The following ITGB1 variants were observed in gnomAD, a reference collection of about 807,000 sequenced individuals.
ITGB1 encodes integrin subunit beta 1.
Under a neutral mutation model 86.5 loss-of-function variants are expected in ITGB1, and 24 were observed. The ratio of observed to expected loss-of-function variants is 0.28; its 90% confidence interval spans 0.20 to 0.39. The LOEUF is 0.39. ITGB1 is among the 10% of genes least tolerant of loss of function. The pLI, the probability that ITGB1 is intolerant of heterozygous loss-of-function variation, is 1.00. For synonymous variants in ITGB1, 323 were observed against 316.8 expected (o/e 1.02, Z -0.21); for missense variants, 556 against 946.9 (o/e 0.59, Z 5.42).
In ITGB1 at chr10:32,904,888, T is replaced by C. The variant is rs528738340; in HGVS notation, c.2332-3253A>G. Among the ~76,000 whole-genome samples, 5 of 152,300 alleles carry C rather than the reference T, an allele frequency of 3.3e-5. No homozygotes were observed. In the East Asian group the frequency reaches 9.6e-4, roughly 29 times the overall value. Reference sequence around the variant, plus strand: ...ATAAACATTAAGTTTAAATAACATTTACTGATAATTTCCTTCAAAATACAA... The same window carrying C: ...ATAAACATTAAGTTTAAATAACATTCACTGATAATTTCCTTCAAAATACAA... On this transcript the variant is annotated intron_variant, in intron 15 of 15. Transcript: ENST00000302278.
chr10:32,925,196 C>T (rs1055446227), intron 6 of ITGB1, among the ~76,000 whole-genome samples: 2 of 152,126 alleles, frequency 1.3e-5, no homozygotes, highest in Admixed American at 6.5e-5. Context: ...TCAGCCTCAG[C>T]CACATCATTA....
chr10:32,946,880 G>A (rs2095032572), intron 1 of ITGB1, among the ~76,000 whole-genome samples: 1 of 146,314 alleles, frequency 6.8e-6, no homozygotes, highest in Non-Finnish European at 1.5e-5. Flanking sequence ...AGTTTCACTT[G>A]ATCACCCAGG....
intron 11 of ITGB1, among the ~76,000 whole-genome samples, chr10:32,915,351 C>G (rs1460055413): frequency 2.6e-5 from 4 of 152,228 alleles, no homozygotes; most frequent in Non-Finnish European, 4.4e-5. Context: ...CATAAAAAGC[C>G]CTTCAAAAAA....
At chr10:32,907,449 A>T (rs2094899949) in intron 15 of ITGB1, among the ~76,000 whole-genome samples, 2 of 152,188 alleles carry the variant, frequency 1.3e-5, no homozygotes, top group South Asian at 4.1e-4. Context: ...TGCTAACATA[A>T]CCTTTCGGTC....
At chr10:32,916,197 CA>C (rs1157732411) in intron 11 of ITGB1, among the ~76,000 whole-genome samples, 2 of 152,168 alleles carry the variant, frequency 1.3e-5, no homozygotes, top group Non-Finnish European at 2.9e-5. Context: ...AACCCACAGC[CA>C]ATATCATACT....
intron 1 of ITGB1, chr10:32,944,801 A>G (rs1357924594): frequency 1.1e-5 from 9 of 833,260 alleles, no homozygotes; most frequent in Non-Finnish European, 1.7e-5. Flanking sequence ...AGTCTACAAC[A>G]TTGAATTCAA....
intron 15 of ITGB1, chr10:32,907,150 TAAAAGA>T (rs1222265437): frequency 3.3e-6 from 4 of 1,197,276 alleles, no homozygotes; most frequent in Non-Finnish European, 4.6e-6. Context: ...CTTGCTAAAG[TAAAAGA>T]AATAGTTTCT....
chr10:32,921,027 C>A (rs966554665), intron 9 of ITGB1, among the ~76,000 whole-genome samples: 20 of 150,776 alleles, frequency 1.3e-4, no homozygotes, highest in Non-Finnish European at 2.2e-4. Flanking sequence ...CAAAAAAAAA[C>A]GAAATAAATG....
At chr10:32,932,695 T>A (rs2094987711) in intron 2 of ITGB1, 95 bp from the exon 3 acceptor site, 1 of 717,074 alleles carries the variant, frequency 1.4e-6, no homozygotes, top group African/African-American at 1.8e-5. Flanking sequence ...AATACATATG[T>A]TAAATATTAA....
At chr10:32,914,484 T>C (rs1468366126) in intron 11 of ITGB1, among the ~76,000 whole-genome samples, 3 of 150,902 alleles carry the variant, frequency 2.0e-5, no homozygotes, top group African/African-American at 7.3e-5. Flanking sequence ...ACCAAGCAAA[T>C]GGAAAACAAA....
intron 1 of ITGB1, among the ~76,000 whole-genome samples, chr10:32,956,379 G>T (rs2095052089): frequency 6.7e-6 from 1 of 149,626 alleles, no homozygotes. Context: ...TGTTATTTTT[G>T]TAGCATTAAA....
chr10:32,952,573 C>T (rs1036994981), intron 1 of ITGB1, among the ~76,000 whole-genome samples: 3 of 152,098 alleles, frequency 2.0e-5, no homozygotes, highest in African/African-American at 4.8e-5. Flanking sequence ...TTGCTAATTT[C>T]ATAGATTACG....
intron 5 of ITGB1, among the ~76,000 whole-genome samples, chr10:32,926,574 A>C (rs539030734): frequency 4.7e-4 from 71 of 152,302 alleles, no homozygotes; most frequent in Non-Finnish European, 8.4e-4. Context: ...CCATGTGAGA[A>C]GCCTGCTCCC....
At chr10:32,922,921 C>T (rs1270589793) in intron 7 of ITGB1, among the ~76,000 whole-genome samples, 186 bp from the exon 8 acceptor site, 1 of 152,060 alleles carries the variant, frequency 6.6e-6, no homozygotes, top group Non-Finnish European at 1.5e-5. Context: ...AACTAGATTA[C>T]AAGACTGCTT....
At chr10:32,952,859 CA>C (rs1488668681) in intron 1 of ITGB1, among the ~76,000 whole-genome samples, 1 of 152,156 alleles carries the variant, frequency 6.6e-6, no homozygotes, top group African/African-American at 2.4e-5. Context: ...GAGTGAATGA[CA>C]AATCTTCAGT....
At chr10:32,927,898 T>C (rs1431810694) in intron 5 of ITGB1, among the ~76,000 whole-genome samples, 196 bp downstream of exon 5, 1 of 152,170 alleles carries the variant, frequency 6.6e-6, no homozygotes, top group Admixed American at 6.6e-5. Flanking sequence ...TAGCATCCAG[T>C]GACAGAGGAA....
At chr10:32,918,046 G>C (rs1287874889) in intron 11 of ITGB1, among the ~76,000 whole-genome samples, 4 of 152,164 alleles carry the variant, frequency 2.6e-5, no homozygotes, top group Non-Finnish European at 4.4e-5. Context: ...CCTTTGTAGG[G>C]ACATGGATGA....
chr10:32,906,753 G>C (rs910722561), intron 15 of ITGB1, among the ~76,000 whole-genome samples: 4 of 152,138 alleles, frequency 2.6e-5, no homozygotes, highest in African/African-American at 9.7e-5. Flanking sequence ...GACTCCCTGT[G>C]ACAGTTGAGA....
At chr10:32,911,743 GCAA>G in intron 12 of ITGB1, 73 bp from the exon 13 acceptor site, 1 of 1,525,106 alleles carries the variant, frequency 6.6e-7, no homozygotes, top group Non-Finnish European at 9.1e-7. Context: ...AGTAAAATAA[GCAA>G]CAACATGTGA....
Sources: allele counts gnomAD v4.1 joint callset (sites outside exome capture counted in the v4.1 genomes callset), GRCh38; gene constraint gnomAD v4.1.1; transcripts MANE v1.5; gene names NCBI Gene and HGNC (gene_info 2026-07-23, HGNC 2026-07-21).